Variants in BRMS1L observed in about 807,000 individuals in gnomAD.
BRMS1L encodes the protein BRMS1 like transcriptional repressor.
BRMS1L carries 23 observed loss-of-function variants against 50.3 expected under a neutral mutation model. That is an observed-to-expected ratio of 0.46 (90% CI 0.33 to 0.65). The LOEUF (loss-of-function observed/expected upper bound fraction) is 0.65. BRMS1L is among the 30% of genes least tolerant of loss of function. The probability of loss-of-function intolerance (pLI) is 0.02; values close to 1 mark genes in which losing one functional copy is unlikely to be tolerated. For synonymous variants in BRMS1L, 114 were observed against 126.9 expected (o/e 0.90, Z 0.69); for missense variants, 286 against 386.1 (o/e 0.74, Z 2.17).
chr14:35,861,506 T>G (rs2078351145), intron 4 of BRMS1L, among the ~76,000 whole-genome samples: 1 of 152,156 alleles, frequency 6.6e-6, no homozygotes, highest in Non-Finnish European at 1.5e-5. Context: ...AAGACTTTAC[T>G]AAAGGCAAGG....
chr14:35,857,325 A>G (rs948828524), intron 4 of BRMS1L, among the ~76,000 whole-genome samples: 13 of 150,170 alleles, frequency 8.7e-5, no homozygotes, highest in African/African-American at 2.9e-4. Flanking sequence ...GTTTGTTGTT[A>G]GTAGGTAATG....
intron 4 of BRMS1L, among the ~76,000 whole-genome samples, chr14:35,847,482 G>A (rs2078151263): frequency 6.6e-6 from 1 of 152,008 alleles, no homozygotes; most frequent in African/African-American, 2.4e-5. Flanking sequence ...AAAATATTTT[G>A]TAGAGATAGA....
chr14:35,870,561 CTT>C lies in BRMS1L; in HGVS notation c.*85_*86del, dbSNP rs1451773234. On this transcript the variant is annotated 3_prime_UTR_variant, in exon 10 of 10. Transcript: ENST00000216807. ...GAGAGTAAAAAAATGTATTCAATAACTTAATATTCTCACTGAATCATGAGAGA... is the reference window on the plus strand; with the variant it reads ...GAGAGTAAAAAAATGTATTCAATAACAATATTCTCACTGAATCATGAGAGA... The C allele has an allele frequency of 1.3e-6, 1 of 752,798 alleles. No homozygotes were observed. Among genetic ancestry groups the C allele is most frequent in the Non-Finnish European group, 2.2e-6 (1 of 446,764 alleles). 46.6% of individuals were successfully genotyped at this position (752,798 alleles called of 1,614,324 possible).
chr14:35,859,488 AT>A (rs1176109026), intron 4 of BRMS1L, among the ~76,000 whole-genome samples: 1 of 152,044 alleles, frequency 6.6e-6, no homozygotes, highest in Non-Finnish European at 1.5e-5. Context: ...TTGATTCCTG[AT>A]CCTTTGTACA....
chr14:35,853,728 A>G (rs1207251466), intron 4 of BRMS1L, among the ~76,000 whole-genome samples: 4 of 152,070 alleles, frequency 2.6e-5, no homozygotes, highest in East Asian at 1.9e-4. Context: ...TGCCCAACCC[A>G]TATTTTGATA....
chr14:35,851,880 T>G (rs113683738), intron 4 of BRMS1L, among the ~76,000 whole-genome samples: 2,177 of 152,338 alleles, frequency 0.014, 23 homozygotes, highest in Non-Finnish European at 0.02. Context: ...TCCAACACCA[T>G]CTTTTGAAAA....
At chr14:35,849,745 T>A (rs2078184494) in intron 4 of BRMS1L, among the ~76,000 whole-genome samples, 1 of 152,186 alleles carries the variant, frequency 6.6e-6, no homozygotes, top group Admixed American at 6.5e-5. Context: ...GGGGAATGTC[T>A]ATTCAAGTCT....
At chr14:35,866,722 T>C (rs1238612393) in intron 8 of BRMS1L, among the ~76,000 whole-genome samples, 15 of 152,192 alleles carry the variant, frequency 9.9e-5, no homozygotes, top group Admixed American at 9.2e-4. Context: ...TTGCATTTTA[T>C]TTTTAACCCC....
rs2077971185 is a variant in BRMS1L, at chr14:35,834,896, A to G, written c.414A>G (p.Glu138=). 4 of 1,597,934 alleles carry G rather than the reference A, an allele frequency of 2.5e-6. No homozygotes were observed. The highest frequency in any genetic ancestry group is 3.4e-6 in the Non-Finnish European group (4 of 1,172,682). Residue 138 remains glutamate (E), a synonymous_variant, in exon 4 of 10, where the codon GAA becomes GAG. Coordinates refer to ENST00000216807, the MANE Select transcript of BRMS1L (RefSeq NM_032352.4). ...CTGTAAAGAACAAATATGAATGTGAAATTCAAGCTTCTCGCCAGCATTGTG... is the reference window on the plus strand; with the variant it reads ...CTGTAAAGAACAAATATGAATGTGAGATTCAAGCTTCTCGCCAGCATTGTG... ...LESVKNKYEC[E]IQASRQHCES...
At chr14:35,844,925 G>C (rs2142047244) in intron 4 of BRMS1L, among the ~76,000 whole-genome samples, 1 of 152,040 alleles carries the variant, frequency 6.6e-6, no homozygotes, top group Non-Finnish European at 1.5e-5. Flanking sequence ...GTATCGCCCA[G>C]GCTGGAGTGC....
chr14:35,828,914 A>G (rs2077882801), intron 1 of BRMS1L, among the ~76,000 whole-genome samples: 1 of 151,982 alleles, frequency 6.6e-6, no homozygotes, highest in Non-Finnish European at 1.5e-5. Context: ...CGGGGAATAT[A>G]GAGAAAGGAG....
intron 4 of BRMS1L, among the ~76,000 whole-genome samples, chr14:35,861,034 G>T (rs1370303992): frequency 6.6e-6 from 1 of 152,124 alleles, no homozygotes; most frequent in Non-Finnish European, 1.5e-5. Flanking sequence ...TTCCATTAGG[G>T]CTTCATTTTC....
chr14:35,829,770 A>C, intron 1 of BRMS1L: 2 of 1,040,412 alleles, frequency 1.9e-6, no homozygotes, highest in Admixed American at 2.8e-5. Flanking sequence ...AAAATAATTG[A>C]ACATGATTTA....
At chr14:35,861,597 C>A (rs577057668) in intron 4 of BRMS1L, among the ~76,000 whole-genome samples, 1 of 152,294 alleles carries the variant, frequency 6.6e-6, no homozygotes, top group East Asian at 1.9e-4. Context: ...TAGTTTTCAG[C>A]TTTGCTTTCT....
chr14:35,865,055 T>G, intron 7 of BRMS1L, 56 bp downstream of exon 7: 1 of 1,300,812 alleles, frequency 7.7e-7, no homozygotes, highest in Non-Finnish European at 1.1e-6. Context: ...CTTTTTAAGA[T>G]TCTATGTTTT....
chr14:35,836,319 C>G lies in BRMS1L; in HGVS notation c.441+1396C>G, dbSNP rs117912962. Among the ~76,000 whole-genome samples, 118 of 152,154 alleles carry G rather than the reference C, an allele frequency of 7.8e-4. No homozygotes were observed. The East Asian group carries it at 0.017, about 21-fold the overall frequency. ...ATTTTAATGTAGTTGAATTTATTATCTTTTTATTTATGGGATGTGTTTTGT... is the reference window on the plus strand; with the variant it reads ...ATTTTAATGTAGTTGAATTTATTATGTTTTTATTTATGGGATGTGTTTTGT... On this transcript the variant is annotated intron_variant, in intron 4 of 9. Transcript: ENST00000216807.
In BRMS1L at chr14:35,863,103, A is replaced by G. The variant is rs891323479; in HGVS notation, c.538+417A>G. Reference sequence around the variant, plus strand: ...TCCAGACTGGGCAATCTTGTCTCCAAAAAAAAAAAGAATAGTATTGGAAAT... The same window carrying G: ...TCCAGACTGGGCAATCTTGTCTCCAGAAAAAAAAAGAATAGTATTGGAAAT... On this transcript the variant is annotated intron_variant, in intron 5 of 9. Transcript: ENST00000216807. Among the ~76,000 whole-genome samples the G allele has an allele frequency of 2.0e-5, 3 of 149,324 alleles. No individual in the cohort carries two copies. In the East Asian group the frequency reaches 5.8e-4, roughly 29 times the overall value.
chr14:35,855,018 G>T (rs1235905010), intron 4 of BRMS1L, among the ~76,000 whole-genome samples: 1 of 152,226 alleles, frequency 6.6e-6, no homozygotes, highest in African/African-American at 2.4e-5. Context: ...TTTCCCTCAG[G>T]TGGATCTTTT....
chr14:35,859,704 C>T (rs955032379), intron 4 of BRMS1L, among the ~76,000 whole-genome samples: 1 of 152,144 alleles, frequency 6.6e-6, no homozygotes, highest in African/African-American at 2.4e-5. Context: ...GGCTTGAGTA[C>T]AGTGGTGCAA....
Sources: gnomAD v4.1 joint callset for allele counts (sites outside exome capture counted in the v4.1 genomes callset) on GRCh38, gnomAD v4.1.1 for gene constraint, MANE v1.5 for transcripts, NCBI Gene and HGNC (gene_info 2026-07-23, HGNC 2026-07-21) for gene names.